The following USP14 variants were observed in gnomAD, a reference collection of about 807,000 sequenced individuals.
USP14 encodes the protein ubiquitin carboxyl-terminal hydrolase 14.
A neutral mutation model predicts 76.5 loss-of-function variants in USP14; 38 were observed. The observed-to-expected ratio is 0.50, with a 90% confidence interval of 0.38 to 0.65. The LOEUF is 0.65. USP14 is among the 30% of genes least tolerant of loss of function. The pLI is 0.00. For missense variants in USP14, 467 were observed against 586.5 expected, an observed-to-expected ratio of 0.80 and a Z score of 2.10; for synonymous variants, 192 against 191.7, an observed-to-expected ratio of 1.00 and a Z score of -0.01.
chr18:171,024 AAAT>A (rs1214601543), intron 3 of USP14, among the ~76,000 whole-genome samples: 21 of 58,802 alleles, frequency 3.6e-4, no homozygotes, highest in East Asian at 2.1e-3. Context: ...AAAAAAAAAA[AAAT>A]ATATATATAT....
intron 2 of USP14, among the ~76,000 whole-genome samples, chr18:165,342 A>G (rs1038544075): frequency 2.6e-5 from 4 of 152,196 alleles, no homozygotes; most frequent in Admixed American, 2.6e-4. Flanking sequence ...TTAGAGATAA[A>G]GACAGGCTAC....
At position 179,001 on chromosome 18, in the gene USP14, C is replaced by T. The variant is rs747217352; in HGVS notation, c.264C>T (p.Phe88=). Residue 88 remains phenylalanine, a synonymous_variant, in exon 4 of 16, where the codon TTC becomes TTT. Coordinates refer to ENST00000261601, the MANE Select transcript of USP14 (RefSeq NM_005151.4). ...AAGAACCCTCAGCCAAAACTGTCTT[C>T]GTAGAAGACATGACAGAAGAACAGT... ...LPEEPSAKTV[F]VEDMTEEQLA... The T allele has an allele frequency of 6.8e-6, 11 of 1,612,918 alleles. No homozygotes were observed. Among genetic ancestry groups the T allele is most frequent in the South Asian group, 2.2e-5 (2 of 90,944 alleles).
chr18:169,208 T>C (rs1269519016), intron 3 of USP14, among the ~76,000 whole-genome samples: 2 of 151,798 alleles, frequency 1.3e-5, no homozygotes, highest in Admixed American at 1.3e-4. Flanking sequence ...CTGGCCAACA[T>C]GGTGAAACCC....
intron 10 of USP14, among the ~76,000 whole-genome samples, chr18:202,669 A>T (rs563247425): frequency 6.6e-6 from 1 of 152,340 alleles, no homozygotes; most frequent in East Asian, 1.9e-4. Flanking sequence ...ACAACAACGT[A>T]AATTATTTGA....
At chr18:191,006 A>G (rs1259570705) in intron 5 of USP14, among the ~76,000 whole-genome samples, 3 of 152,170 alleles carry the variant, frequency 2.0e-5, no homozygotes, top group Non-Finnish European at 4.4e-5. Context: ...TATCTTTGCC[A>G]TAAATGTAGA....
intron 1 of USP14, among the ~76,000 whole-genome samples, chr18:162,068 A>G (rs1390315873): frequency 1.3e-5 from 2 of 152,124 alleles, no homozygotes; most frequent in Non-Finnish European, 2.9e-5. Context: ...CATGTATAAG[A>G]GTTTCTTTCC....
At chr18:194,531 T>G (rs946513612) in intron 6 of USP14, among the ~76,000 whole-genome samples, 1 of 152,228 alleles carries the variant, frequency 6.6e-6, no homozygotes, top group Non-Finnish European at 1.5e-5. Context: ...GTTATGCATG[T>G]AATTTTTTTC....
At chr18:199,402 G>A in intron 10 of USP14, 86 bp downstream of exon 10, 1 of 920,142 alleles carries the variant, frequency 1.1e-6, no homozygotes, top group Non-Finnish European at 1.7e-6. Flanking sequence ...GGCTTTAATG[G>A]TCATTTGTAG....
rs1046179366 is a variant in USP14 at position 169,404 on chromosome 18, C to G, written c.195+2585C>G. Among the ~76,000 whole-genome samples the G allele has an allele frequency of 5.5e-5, 8 of 145,370 alleles. No individual in the cohort carries two copies. In the East Asian group the frequency reaches 1.4e-3, roughly 26 times the overall value. On this transcript the variant is annotated intron_variant, in intron 3 of 15. Transcript: ENST00000261601. The stretch of plus-strand genomic sequence containing the variant: ...AAAAGAGTGGACATCTTGTCTTATT[C>G]TAGTTCACTACAACTTAAAATTATG...
At chr18:159,116 G>A (rs1036058282) in intron 1 of USP14, 7 of 184,842 alleles carry the variant, frequency 3.8e-5, no homozygotes, top group African/African-American at 9.4e-5. Flanking sequence ...AAGAAGGGGA[G>A]GGATGGAGCG....
chr18:169,634 A>G (rs1450599145), intron 3 of USP14, among the ~76,000 whole-genome samples: 2 of 152,076 alleles, frequency 1.3e-5, no homozygotes, highest in South Asian at 2.1e-4. Context: ...AGAGTTTCAT[A>G]TAAAGGCACA....
intron 5 of USP14, among the ~76,000 whole-genome samples, chr18:181,237 C>G (rs1457768115): frequency 6.6e-6 from 1 of 152,124 alleles, no homozygotes. Context: ...TGAACGTTTT[C>G]ATATAGTAAC....
At chr18:198,378 G>T (rs527359992) in intron 9 of USP14, among the ~76,000 whole-genome samples, 2 of 152,228 alleles carry the variant, frequency 1.3e-5, no homozygotes, top group South Asian at 2.1e-4. Flanking sequence ...GGGATTACAG[G>T]TGCATGCCAC....
At chr18:185,757 C>T (rs1909911665) in intron 5 of USP14, among the ~76,000 whole-genome samples, 2 of 151,754 alleles carry the variant, frequency 1.3e-5, no homozygotes, top group South Asian at 2.1e-4. Context: ...TGGAGTGGCA[C>T]GATCACAGAT....
intron 1 of USP14, 147 bp from the exon 2 acceptor site, chr18:163,161 C>A: frequency 1.6e-6 from 1 of 628,536 alleles, no homozygotes; most frequent in Non-Finnish European, 2.6e-6. Flanking sequence ...TGCATGCATG[C>A]TCCTCTTGAT....
chr18:198,341 A>G (rs1356904668), intron 9 of USP14, among the ~76,000 whole-genome samples: 4 of 152,128 alleles, frequency 2.6e-5, no homozygotes, highest in Admixed American at 6.5e-5. Flanking sequence ...GGGTTCAAAC[A>G]GTTCTGCCTC....
At chr18:197,977 C>A in intron 8 of USP14, 70 bp from the exon 9 acceptor site, 2 of 1,351,034 alleles carry the variant, frequency 1.5e-6, no homozygotes, top group East Asian at 2.5e-5. Flanking sequence ...TATTACTAAA[C>A]TGGATTGTGT....
intron 9 of USP14, among the ~76,000 whole-genome samples, chr18:198,763 A>AT (rs1421914281): frequency 6.6e-6 from 1 of 152,158 alleles, no homozygotes; most frequent in Non-Finnish European, 1.5e-5. Context: ...ACTGTTAATA[A>AT]TAACTTTTAA....
chr18:171,026 ATATATATATATATATATAT>A (rs974008948), intron 3 of USP14, among the ~76,000 whole-genome samples: 1 of 30,742 alleles, frequency 3.3e-5, no homozygotes, highest in Non-Finnish European at 6.6e-5. Flanking sequence ...AAAAAAAAAA[ATATATATATATATATATAT>A]ATATATATAT....
Sources: allele counts gnomAD v4.1 joint callset (sites outside exome capture counted in the v4.1 genomes callset), GRCh38; gene constraint gnomAD v4.1.1; transcripts MANE v1.5; gene names NCBI Gene and HGNC (gene_info 2026-07-23, HGNC 2026-07-21).